Variants in PRORP observed in about 807,000 individuals in gnomAD.
The protein encoded by PRORP is protein only RNase P catalytic subunit, also known as mitochondrial ribonuclease P catalytic subunit.
Under a neutral mutation model 59.4 loss-of-function variants are expected in PRORP, and 51 were observed. The ratio of observed to expected loss-of-function variants is 0.86; its 90% CI spans 0.69 to 1.08. The LOEUF is 1.08. PRORP is among the 50% of genes least tolerant of loss of function. PRORP has a pLI of 0.00. For synonymous variants in PRORP, 231 were observed against 245.6 expected, an observed-to-expected ratio of 0.94 and a Z score of 0.55; for missense variants, 646 against 690.3, an observed-to-expected ratio of 0.94 and a Z score of 0.72.
chr14:35,252,037 T>C (rs2050628730), intron 5 of PRORP, among the ~76,000 whole-genome samples: 1 of 152,188 alleles, frequency 6.6e-6, no homozygotes, highest in Non-Finnish European at 1.5e-5. Context: ...CTCCAATTAC[T>C]AATAATAAAT....
intron 5 of PRORP, among the ~76,000 whole-genome samples, chr14:35,215,083 T>G (rs2139186258): frequency 2.0e-5 from 3 of 152,280 alleles, no homozygotes; most frequent in Admixed American, 2.0e-4. Flanking sequence ...TCAGCTCTGT[T>G]GCTACCTCCT....
chr14:35,221,552 G>A (rs566235210), intron 5 of PRORP, among the ~76,000 whole-genome samples: 2 of 152,172 alleles, frequency 1.3e-5, no homozygotes. Context: ...TGCCAAAAAC[G>A]AGTGCCTTAG....
chr14:35,180,697 A>C lies in PRORP; in HGVS notation c.1195A>C (p.Lys399Gln). 2 of 1,612,330 alleles carry C rather than the reference A, an allele frequency of 1.2e-6. No homozygotes were observed. The highest frequency in any genetic ancestry group is 1.7e-6 in the Non-Finnish European group (2 of 1,178,778). Residue 399 changes from lysine to glutamine, a missense_variant, in exon 5 of 8, where the codon AAA becomes CAA. Transcript: ENST00000534898. ...QELKRFENFI[K>Q]SRPPFDVVID... is the part of the protein sequence containing the mutation. The stretch of plus-strand genomic sequence containing the variant: ...ACTTAAGAGATTTGAGAACTTCATA[A>C]AATCTCGTCCTCCTTTTGATGTTGT...
intron 5 of PRORP, among the ~76,000 whole-genome samples, chr14:35,207,283 A>G (rs1566497382): frequency 6.6e-6 from 1 of 152,256 alleles, no homozygotes; most frequent in Non-Finnish European, 1.5e-5. Flanking sequence ...TCTTGAATGT[A>G]AAATAAAAAG....
intron 4 of PRORP, among the ~76,000 whole-genome samples, chr14:35,179,650 T>C (rs1235348091): frequency 6.6e-6 from 1 of 152,140 alleles, no homozygotes; most frequent in South Asian, 2.1e-4. Flanking sequence ...TAATCTTTTT[T>C]AAAGGTTTTT....
At chr14:35,122,500 G>A (rs1595144194), upstream of PRORP, 2 of 155,654 alleles carry the variant, frequency 1.3e-5, no homozygotes, top group East Asian at 1.9e-4. Context: ...GCCTAAGTCC[G>A]GGTCAGTCTC....
chr14:35,235,609 A>G, intron 5 of PRORP: 1 of 479,624 alleles, frequency 2.1e-6, no homozygotes, highest in South Asian at 2.0e-5. Flanking sequence ...CTTTGCCAGC[A>G]GCTTTCTTCT....
upstream of PRORP, chr14:35,121,952 C>T (rs1450218433): frequency 1.2e-6 from 2 of 1,614,070 alleles, no homozygotes; most frequent in African/African-American, 2.7e-5. Context: ...AACTTCTTTC[C>T]AGTCCATGGC....
At position 35,180,733 on chromosome 14, in the gene PRORP, C is replaced by A; in HGVS notation, c.1231C>A (p.Leu411Ile). 8.7e-6 allele frequency: 14 copies of A among 1,612,870 alleles called. No homozygotes were observed. Among genetic ancestry groups the A allele is most frequent in the Non-Finnish European group, 1.2e-5 (14 of 1,179,220 alleles). The change falls in exon 5 of 8, where the codon CTC becomes ATC. Residue 411 changes from leucine (L) to isoleucine (I), a missense_variant. By Grantham distance (5) the Leu-to-Ile change is conservative. Coordinates refer to ENST00000534898, the MANE Select transcript of PRORP (RefSeq NM_014672.4). ...RPPFDVVIDGLNVAKMFPKVR... is the reference protein window; with the variant it reads ...RPPFDVVIDGINVAKMFPKVR... ...TCCTTTTGATGTTGTCATTGATGGT[C>A]TCAATGTTGCCAAAATGTTTCCTAA... is the stretch of plus-strand genomic sequence containing the variant.
intron 5 of PRORP, among the ~76,000 whole-genome samples, chr14:35,244,888 A>C (rs2050448189): frequency 6.6e-6 from 1 of 152,232 alleles, no homozygotes; most frequent in Admixed American, 6.5e-5. Flanking sequence ...TTTAGGATTG[A>C]AAAACTGAGG....
intron 5 of PRORP, among the ~76,000 whole-genome samples, chr14:35,248,077 G>A (rs1246714464): frequency 2.0e-5 from 3 of 152,112 alleles, no homozygotes; most frequent in South Asian, 2.1e-4. Context: ...CTCTTCCTCC[G>A]TAGAATTGTT....
chr14:35,212,631 TC>T (rs1259012913), intron 5 of PRORP, among the ~76,000 whole-genome samples: 2 of 152,194 alleles, frequency 1.3e-5, no homozygotes, highest in Admixed American at 6.5e-5. Context: ...ACTCAGTAAA[TC>T]ATGCTGGAAA....
At chr14:35,167,850 G>A (rs2048223168) in intron 4 of PRORP, among the ~76,000 whole-genome samples, 1 of 152,100 alleles carries the variant, frequency 6.6e-6, no homozygotes, top group African/African-American at 2.4e-5. Flanking sequence ...AGAAATAAGT[G>A]GAAAACAATA....
intron 4 of PRORP, among the ~76,000 whole-genome samples, chr14:35,146,563 GT>G (rs910006343): frequency 6.6e-6 from 1 of 151,980 alleles, no homozygotes. Flanking sequence ...TGAACTGTGG[GT>G]TTTTTTCCCC....
chr14:35,174,311 A>T (rs188407824), intron 4 of PRORP, among the ~76,000 whole-genome samples: 17 of 152,166 alleles, frequency 1.1e-4, no homozygotes, highest in Non-Finnish European at 1.9e-4. Flanking sequence ...AATTTATATT[A>T]TTATCTAGTA....
At chr14:35,228,270 T>G (rs2049987561) in intron 5 of PRORP, among the ~76,000 whole-genome samples, 1 of 152,190 alleles carries the variant, frequency 6.6e-6, no homozygotes, top group Non-Finnish European at 1.5e-5. Flanking sequence ...AAACATAACA[T>G]GTAACTCTGA....
chr14:35,160,550 G>A (rs1315995840), intron 4 of PRORP, among the ~76,000 whole-genome samples: 1 of 152,108 alleles, frequency 6.6e-6, no homozygotes, highest in Non-Finnish European at 1.5e-5. Flanking sequence ...CAATAGAATT[G>A]AGTATAGATG....
At chr14:35,159,234 G>A in intron 4 of PRORP, 1 of 163,236 alleles carries the variant, frequency 6.1e-6, no homozygotes, top group Non-Finnish European at 1.3e-5. Context: ...CTCATTGCTT[G>A]CCACTCTCCT....
Position 35,275,416 on chromosome 14 carries a change from A to C in PRORP, c.*1850A>C, listed in dbSNP as rs937421103. The C allele has an allele frequency of 6.6e-6, 1 of 152,206 alleles. No homozygotes were observed. Among genetic ancestry groups the C allele is most frequent in the Non-Finnish European group, 1.5e-5 (1 of 68,048 alleles). The allele number at this position is 152,206 out of a possible 1,614,324, so 9.4% of individuals were successfully genotyped here. Reference sequence around the variant, plus strand: ...ATGCAACATTACTGCACACCAAGACAAAAGAGCTCTCCAGGAAAACATTGG... The same window carrying C: ...ATGCAACATTACTGCACACCAAGACCAAAGAGCTCTCCAGGAAAACATTGG... On this transcript the variant is annotated 3_prime_UTR_variant, in exon 8 of 8. Transcript: ENST00000534898.
Sources: allele counts gnomAD v4.1 joint callset (sites outside exome capture counted in the v4.1 genomes callset), GRCh38; gene constraint gnomAD v4.1.1; transcripts MANE v1.5; gene names NCBI Gene and HGNC (gene_info 2026-07-23, HGNC 2026-07-21).